HMCN1: variants seen among roughly 807,000 people sequenced by gnomAD.
HMCN1 encodes the protein hemicentin-1.
In HMCN1, 321 loss-of-function variants were observed where a neutral mutation model predicts 625.9. That is an observed-to-expected ratio of 0.51 (90% confidence interval 0.47 to 0.56). The LOEUF is 0.56. Ranked by LOEUF, HMCN1 falls within the 20% of genes least tolerant of loss-of-function variation. The probability of loss-of-function intolerance (pLI) is 0.00; values close to 1 mark genes in which losing one functional copy is unlikely to be tolerated. For synonymous variants in HMCN1, 2,425 were observed against 2,417.6 expected (o/e 1.00, Z -0.09); for missense variants, 6,588 against 6,887.3 (o/e 0.96, Z 1.54).
intron 5 of HMCN1, among the ~76,000 whole-genome samples, chr1:185,910,754 A>T (rs1428020888): frequency 6.6e-6 from 1 of 151,984 alleles, no homozygotes. Context: ...TATTTTTAGT[A>T]GAGACAGGGT....
chr1:185,857,675 G>A (rs1662556255), intron 2 of HMCN1, among the ~76,000 whole-genome samples: 1 of 152,194 alleles, frequency 6.6e-6, no homozygotes, highest in African/African-American at 2.4e-5. Flanking sequence ...CTCGAAATGG[G>A]ATGGGCTAGG....
intron 62 of HMCN1, among the ~76,000 whole-genome samples, 153 bp downstream of exon 62, chr1:186,088,429 A>G (rs577384238): frequency 6.6e-6 from 1 of 152,024 alleles, no homozygotes; most frequent in Non-Finnish European, 1.5e-5. Flanking sequence ...TACAAAATAG[A>G]CTCATTGTAA....
At chr1:185,854,491 A>G (rs1047175797) in intron 2 of HMCN1, among the ~76,000 whole-genome samples, 4 of 152,116 alleles carry the variant, frequency 2.6e-5, no homozygotes, top group African/African-American at 7.2e-5. Flanking sequence ...CTATGGAGCA[A>G]TGTCTGGGGA....
intron 4 of HMCN1, among the ~76,000 whole-genome samples, chr1:185,886,513 CTG>C (rs1266512064): frequency 2.0e-5 from 3 of 151,494 alleles, no homozygotes; most frequent in African/African-American, 4.8e-5. Context: ...CTTGCACAAA[CTG>C]TATTTATAGA....
chr1:185,800,922 A>G (rs1374879051), intron 1 of HMCN1, among the ~76,000 whole-genome samples: 1 of 152,214 alleles, frequency 6.6e-6, no homozygotes, highest in Non-Finnish European at 1.5e-5. Flanking sequence ...TAATTTTATT[A>G]AAGAAGTGTT....
At position 186,023,067 on chromosome 1, in the gene HMCN1, C is replaced by A; in HGVS notation, c.5663C>A (p.Thr1888Asn). The stretch of plus-strand genomic sequence containing the variant: ...GGTCGAGTTCTACAAATTGCCAAAA[C>A]CCTGTTGGAAGATGCTGGCAGATAC... Reference protein sequence around the residue: ...SSGRVLQIAKTLLEDAGRYTC... With the variant: ...SSGRVLQIAKNLLEDAGRYTC... Residue 1888 changes from threonine (T) to asparagine (N), a missense_variant, in exon 36 of 107, where the codon ACC becomes AAC. By Grantham distance (65) the Thr-to-Asn change is moderately conservative. Coordinates refer to ENST00000271588, the MANE Select transcript of HMCN1 (RefSeq NM_031935.3). 6.2e-7 allele frequency: 1 copy of A among 1,613,414 alleles called. No homozygotes were observed. The highest frequency in any genetic ancestry group is 8.5e-7 in the Non-Finnish European group (1 of 1,179,504).
intron 42 of HMCN1, among the ~76,000 whole-genome samples, chr1:186,051,340 G>A (rs1012451093): frequency 1.8e-4 from 27 of 152,142 alleles, no homozygotes; most frequent in African/African-American, 6.5e-4. Context: ...AAGGAGGGAT[G>A]TCTGTGTCTT....
intron 19 of HMCN1, among the ~76,000 whole-genome samples, chr1:185,984,846 G>C (rs1376502654): frequency 6.6e-6 from 1 of 151,996 alleles, no homozygotes; most frequent in East Asian, 1.9e-4. Context: ...ACAGTAACCA[G>C]CTTTTTACAT....
intron 9 of HMCN1, among the ~76,000 whole-genome samples, chr1:185,927,580 G>T (rs1667340321): frequency 6.6e-6 from 1 of 152,144 alleles, no homozygotes; most frequent in Non-Finnish European, 1.5e-5. Context: ...AGCTCAGTAA[G>T]TTCTTCATGG....
Position 185,928,568 on chromosome 1 carries a change from GA to G in HMCN1, c.1454del (p.Asp485ValfsTer55). 1 of 1,613,234 alleles carries G rather than the reference GA, an allele frequency of 6.2e-7. No individual in the cohort carries two copies. Among genetic ancestry groups the G allele is most frequent in the Non-Finnish European group, 8.5e-7 (1 of 1,179,304 alleles). On this transcript the variant is annotated frameshift_variant, in exon 10 of 107. Coordinates refer to ENST00000271588, the MANE Select transcript of HMCN1 (RefSeq NM_031935.3). LOFTEE classifies it high-confidence loss of function. ...CAGAGAATCTGCCAGTGTGAACTTA[GA>G]TATTGCAAAGGTCACTTTGTCTGAC... ...YLKESASVNL[D>X]IAKVTLSDEG...
At chr1:186,076,221 C>T (rs1658802309) in intron 53 of HMCN1, among the ~76,000 whole-genome samples, 2 of 152,114 alleles carry the variant, frequency 1.3e-5, no homozygotes, top group South Asian at 4.1e-4. Flanking sequence ...GAGCCTCATA[C>T]TTCTTGTTCT....
At chr1:186,076,324 A>G (rs949745116) in intron 53 of HMCN1, 104 bp from the exon 54 acceptor site, 34 of 1,133,010 alleles carry the variant, frequency 3.0e-5, no homozygotes, top group Non-Finnish European at 3.4e-5. Flanking sequence ...TTATTTCCAC[A>G]TTGTCTAATC....
intron 15 of HMCN1, among the ~76,000 whole-genome samples, chr1:185,973,041 T>G (rs1314399830): frequency 6.6e-6 from 1 of 152,158 alleles, no homozygotes; most frequent in Admixed American, 6.6e-5. Flanking sequence ...CCAGAACTTA[T>G]GTAGTGGTTA....
At chr1:185,773,551 A>T (rs1233342402) in intron 1 of HMCN1, among the ~76,000 whole-genome samples, 1 of 152,162 alleles carries the variant, frequency 6.6e-6, no homozygotes, top group Non-Finnish European at 1.5e-5. Context: ...GGAGGGCAGA[A>T]CCAAGGAAAA....
intron 11 of HMCN1, among the ~76,000 whole-genome samples, chr1:185,958,048 TAAA>T (rs1649748350): frequency 1.3e-5 from 2 of 152,224 alleles, no homozygotes; most frequent in Admixed American, 6.5e-5. Context: ...TCAGAAGAAT[TAAA>T]TAAGATATAA....
In HMCN1 at chr1:185,869,511, T is replaced by G. The variant is rs548362919; in HGVS notation, c.621+3648T>G. Among the ~76,000 whole-genome samples the G allele has an allele frequency of 4.6e-5, 7 of 152,202 alleles. No homozygotes were observed. The East Asian group carries it at 1.2e-3, about 25-fold the overall frequency. ...GTTTGCTAGAAATTAGATGTCTGAT[T>G]GTTACTTGGAAATAAATCTGAGTAG... On this transcript the variant is annotated intron_variant, in intron 4 of 106. Transcript: ENST00000271588.
At chr1:185,865,661 A>T in intron 3 of HMCN1, 80 bp from the exon 4 acceptor site, 1 of 1,232,742 alleles carries the variant, frequency 8.1e-7, no homozygotes. Flanking sequence ...CAGTAATGTA[A>T]CACAATAGGT....
chr1:186,074,281 T>C (rs1444244063), intron 52 of HMCN1, among the ~76,000 whole-genome samples: 1 of 152,018 alleles, frequency 6.6e-6, no homozygotes, highest in African/African-American at 2.4e-5. Flanking sequence ...TATAAAGTAA[T>C]GATGTTTCTG....
chr1:185,888,803 G>C (rs1414313514), intron 4 of HMCN1, among the ~76,000 whole-genome samples: 1 of 144,474 alleles, frequency 6.9e-6, no homozygotes, highest in East Asian at 2.0e-4. Context: ...CTCTTTTTTG[G>C]TTCCATATGA....
Sources: gnomAD v4.1 joint callset for allele counts (sites outside exome capture counted in the v4.1 genomes callset) on GRCh38, gnomAD v4.1.1 for gene constraint, MANE v1.5 for transcripts, NCBI Gene and HGNC (gene_info 2026-07-23, HGNC 2026-07-21) for gene names.